The following ADCY5 variants were observed in gnomAD, a reference collection of about 807,000 sequenced individuals.
ADCY5 encodes adenylate cyclase type 5.
ADCY5 carries 30 observed loss-of-function variants against 119.7 expected under a neutral mutation model. That is an observed-to-expected ratio of 0.25 (90% confidence interval 0.19 to 0.34). ADCY5 has a LOEUF of 0.34. Ranked by LOEUF, ADCY5 falls within the 10% of genes least tolerant of loss-of-function variation. ADCY5 has a pLI of 1.00. For missense variants in ADCY5, 1,324 were observed against 1,775.2 expected, an observed-to-expected ratio of 0.75 and a Z score of 4.57; for synonymous variants, 753 against 762.2, an observed-to-expected ratio of 0.99 and a Z score of 0.20.
At chr3:123,411,835 A>G (rs1335931214) in intron 1 of ADCY5, among the ~76,000 whole-genome samples, 1 of 152,082 alleles carries the variant, frequency 6.6e-6, no homozygotes, top group African/African-American at 2.4e-5. Flanking sequence ...GGGGCTGTCC[A>G]CCGTTGACAG....
intron 17 of ADCY5, among the ~76,000 whole-genome samples, chr3:123,291,942 G>A (rs950177345): frequency 3.7e-4 from 56 of 152,310 alleles, no homozygotes; most frequent in African/African-American, 1.3e-3. Flanking sequence ...AGGAGCAAGT[G>A]CCAGGAGGGA....
chr3:123,416,808 A>G (rs1945194210), intron 1 of ADCY5, among the ~76,000 whole-genome samples: 2 of 152,012 alleles, frequency 1.3e-5, no homozygotes, highest in Admixed American at 6.6e-5. Context: ...CATGAGTGTG[A>G]GTGTATTTGG....
intron 1 of ADCY5, among the ~76,000 whole-genome samples, chr3:123,432,109 C>A (rs564156148): frequency 1.3e-5 from 2 of 152,306 alleles, no homozygotes; most frequent in South Asian, 2.1e-4. Flanking sequence ...CAGCCCTGGG[C>A]ATTCAAGGTG....
intron 1 of ADCY5, among the ~76,000 whole-genome samples, chr3:123,371,857 T>C (rs1943653548): frequency 6.6e-6 from 1 of 152,044 alleles, no homozygotes; most frequent in African/African-American, 2.4e-5. Context: ...CCCTCAGGGA[T>C]AGCTGGGCCC....
chr3:123,432,642 T>C (rs1359308227), intron 1 of ADCY5, among the ~76,000 whole-genome samples: 3 of 152,172 alleles, frequency 2.0e-5, no homozygotes, highest in Non-Finnish European at 4.4e-5. Flanking sequence ...GTGATCCTCT[T>C]GCCTCAGCCT....
Position 123,298,324 on chromosome 3 carries a change from G to A in ADCY5, c.2901-942C>T, listed in dbSNP as rs534758078. ...CAAGGTTGCCCTAGAGCCAAACCAT[G>A]GTCTCCCAATCCAGAAATAACCTTC... On this transcript the variant is annotated intron_variant, in intron 15 of 20. Coordinates refer to ENST00000462833, the MANE Select transcript of ADCY5 (RefSeq NM_183357.3). 2.0e-5 allele frequency among the ~76,000 whole-genome samples: 3 copies of A among 152,220 alleles called. No homozygotes were observed. The East Asian group carries it at 5.8e-4, about 29-fold the overall frequency.
intron 1 of ADCY5, among the ~76,000 whole-genome samples, chr3:123,440,160 C>T (rs888821498): frequency 6.6e-6 from 1 of 152,216 alleles, no homozygotes; most frequent in Non-Finnish European, 1.5e-5. Context: ...TCACTGAGCA[C>T]CTACTGTGTG....
chr3:123,291,847 G>A (rs942812906), intron 17 of ADCY5, among the ~76,000 whole-genome samples: 6 of 152,160 alleles, frequency 3.9e-5, no homozygotes, highest in South Asian at 4.2e-4. Flanking sequence ...CTTAATTGAC[G>A]GACCTGTGGG....
chr3:123,352,595 G>C lies in ADCY5; in HGVS notation c.1135-14C>G, dbSNP rs764596764. On this transcript the variant is annotated splice_polypyrimidine_tract_variant and intron_variant, in intron 1 of 20. Coordinates refer to ENST00000462833, the MANE Select transcript of ADCY5 (RefSeq NM_183357.3). This position sits in a 1 kb window ranked among gnomAD's most constrained non-coding sequence, Gnocchi z 4.8. ...ATTGGAGACAAGCTGCAGAGGGAGAGAGGAGCACACCTAGCTCAGATCCTG... is the reference window on the plus strand; with the variant it reads ...ATTGGAGACAAGCTGCAGAGGGAGACAGGAGCACACCTAGCTCAGATCCTG... 3 of 1,605,004 alleles carry C rather than the reference G, an allele frequency of 1.9e-6. No homozygotes were observed. The highest frequency in any genetic ancestry group is 1.3e-5 in the African/African-American group (1 of 74,794).
At chr3:123,306,633 G>A (rs576961120) in intron 12 of ADCY5, among the ~76,000 whole-genome samples, 13 of 152,314 alleles carry the variant, frequency 8.5e-5, no homozygotes, top group Non-Finnish European at 1.3e-4. Flanking sequence ...ATCCTTGTGC[G>A]TTGCTGGTGG....
At chr3:123,394,815 A>G (rs1489885705) in intron 1 of ADCY5, among the ~76,000 whole-genome samples, 1 of 152,238 alleles carries the variant, frequency 6.6e-6, no homozygotes, top group Non-Finnish European at 1.5e-5. Context: ...TAACTAATGC[A>G]ATGGTGACCT....
intron 1 of ADCY5, among the ~76,000 whole-genome samples, chr3:123,368,779 G>T (rs150137876): frequency 3.6e-4 from 54 of 151,378 alleles, no homozygotes; most frequent in East Asian, 3.3e-3. Flanking sequence ...GTACATAGGA[G>T]CCAGGCCTCC....
At chr3:123,362,642 AC>A (rs1459466906) in intron 1 of ADCY5, among the ~76,000 whole-genome samples, 1 of 152,214 alleles carries the variant, frequency 6.6e-6, no homozygotes, top group Non-Finnish European at 1.5e-5. Flanking sequence ...GCTGCTGGCC[AC>A]CTTGCCCTCT....
intron 8 of ADCY5, among the ~76,000 whole-genome samples, chr3:123,321,869 G>T (rs1364173109): frequency 6.6e-6 from 1 of 152,224 alleles, no homozygotes; most frequent in South Asian, 2.1e-4. Flanking sequence ...GGGAGCCTCA[G>T]CAGCCTCTGG....
chr3:123,377,974 G>A (rs1418435423), intron 1 of ADCY5, among the ~76,000 whole-genome samples: 1 of 146,616 alleles, frequency 6.8e-6, no homozygotes, highest in Non-Finnish European at 1.5e-5. Flanking sequence ...ATGAATGAAT[G>A]GATACATGAA....
chr3:123,429,055 T>C (rs1278085654), intron 1 of ADCY5, among the ~76,000 whole-genome samples: 1 of 152,184 alleles, frequency 6.6e-6, no homozygotes, highest in Non-Finnish European at 1.5e-5. Context: ...TAATGGGAGA[T>C]TATGAGGGTC....
At chr3:123,396,056 G>A in intron 1 of ADCY5, among the ~76,000 whole-genome samples, 1 of 83,908 alleles carries the variant, frequency 1.2e-5, no homozygotes, top group Non-Finnish European at 2.7e-5. Flanking sequence ...GAGAGAGGGA[G>A]GGAGGGTGGG....
At chr3:123,300,017 C>T in intron 15 of ADCY5, 103 bp downstream of exon 15, 1 of 1,272,470 alleles carries the variant, frequency 7.9e-7, no homozygotes, top group Non-Finnish European at 1.1e-6. Context: ...AAGATACTCT[C>T]CTCGCAAGTT....
intron 1 of ADCY5, among the ~76,000 whole-genome samples, chr3:123,355,843 A>C (rs1943019683): frequency 6.6e-6 from 1 of 152,214 alleles, no homozygotes; most frequent in African/African-American, 2.4e-5. Context: ...AAGCAATGAA[A>C]ATAGCCAAAA....
Sources: gnomAD v4.1 joint callset for allele counts (sites outside exome capture counted in the v4.1 genomes callset) on GRCh38, gnomAD v4.1.1 for gene constraint, Gnocchi (gnomAD v3.1) non-coding constraint, MANE v1.5 for transcripts, NCBI Gene and HGNC (gene_info 2026-07-23, HGNC 2026-07-21) for gene names.